Variants in SNX30 observed in about 807,000 individuals in gnomAD.
SNX30 encodes the protein sorting nexin family member 30.
In SNX30, 24 loss-of-function variants were observed where a neutral mutation model predicts 46.4. The observed-to-expected ratio is 0.52, with a 90% CI of 0.37 to 0.73. SNX30 has a LOEUF of 0.73. SNX30 is among the 30% of genes least tolerant of loss of function. SNX30 has a pLI of 0.00. For synonymous variants in SNX30, 189 were observed against 211.5 expected, an observed-to-expected ratio of 0.89 and a Z score of 0.92; for missense variants, 533 against 555.7, an observed-to-expected ratio of 0.96 and a Z score of 0.41.
intron 6 of SNX30, among the ~76,000 whole-genome samples, chr9:112,843,502 C>G (rs10981524): frequency 6.6e-6 from 1 of 151,688 alleles, no homozygotes; most frequent in Non-Finnish European, 1.5e-5. Context: ...GTGCAAAGTC[C>G]GAAAGCTGAA....
At chr9:112,768,956 A>G (rs1450421346) in intron 1 of SNX30, among the ~76,000 whole-genome samples, 1 of 152,034 alleles carries the variant, frequency 6.6e-6, no homozygotes, top group Non-Finnish European at 1.5e-5. Flanking sequence ...TGATAATTCT[A>G]ACGGGCAGCC....
intron 2 of SNX30, among the ~76,000 whole-genome samples, chr9:112,805,716 G>A (rs926821429): frequency 2.0e-5 from 3 of 152,092 alleles, no homozygotes; most frequent in Non-Finnish European, 2.9e-5. Context: ...TGATCCACCT[G>A]CCTCGGCCTC....
chr9:112,778,563 C>G (rs747064161), intron 1 of SNX30, among the ~76,000 whole-genome samples: 1 of 152,182 alleles, frequency 6.6e-6, no homozygotes, highest in Non-Finnish European at 1.5e-5. Flanking sequence ...TGAGCCACTG[C>G]GCCCGGCCCG....
chr9:112,753,228 G>A (rs1002021620), intron 1 of SNX30, among the ~76,000 whole-genome samples: 2 of 152,102 alleles, frequency 1.3e-5, no homozygotes, highest in Admixed American at 6.6e-5. Flanking sequence ...AGAAGTATGA[G>A]CATTTTACTA....
intron 1 of SNX30, among the ~76,000 whole-genome samples, chr9:112,765,585 A>G (rs1466326864): frequency 1.3e-5 from 2 of 152,180 alleles, no homozygotes; most frequent in Non-Finnish European, 2.9e-5. Flanking sequence ...CAGTTAATCT[A>G]GTGTCTGAAA....
chr9:112,821,228 T>C (rs1280454048), intron 3 of SNX30, among the ~76,000 whole-genome samples: 1 of 152,210 alleles, frequency 6.6e-6, no homozygotes, highest in Non-Finnish European at 1.5e-5. Context: ...GGATGTGCAG[T>C]GCTATCTCAT....
chr9:112,797,379 A>G (rs2153839), intron 1 of SNX30, among the ~76,000 whole-genome samples: 108,106 of 152,088 alleles, frequency 0.71, 38,732 homozygotes, highest in South Asian at 0.83. Flanking sequence ...AGAGAATTGT[A>G]TAATGAACCT....
At chr9:112,857,033 G>A (rs1841142213) in intron 7 of SNX30, among the ~76,000 whole-genome samples, 1 of 152,194 alleles carries the variant, frequency 6.6e-6, no homozygotes, top group Admixed American at 6.5e-5. Context: ...TCCAAAACTG[G>A]TGCCTTTCCC....
intron 4 of SNX30, among the ~76,000 whole-genome samples, chr9:112,832,430 A>AAGAGAGAGAG (rs144673731): frequency 1.8e-3 from 147 of 79,664 alleles, no homozygotes; most frequent in Non-Finnish European, 2.1e-3. Flanking sequence ...ATAAGTAGGA[A>AAGAGAGAGAG]AGAGAGAGAG....
intron 6 of SNX30, 96 bp downstream of exon 6, chr9:112,838,793 T>C: frequency 8.1e-7 from 1 of 1,232,892 alleles, no homozygotes; most frequent in South Asian, 1.4e-5. Flanking sequence ...GTGATATAAG[T>C]TTCCTTCTTC....
intron 1 of SNX30, among the ~76,000 whole-genome samples, chr9:112,769,655 A>T (rs1300495907): frequency 6.6e-6 from 1 of 151,942 alleles, no homozygotes; most frequent in African/African-American, 2.4e-5. Flanking sequence ...CCTAGCTCTA[A>T]ATGTTGGACT....
intron 6 of SNX30, among the ~76,000 whole-genome samples, chr9:112,848,415 A>C (rs775370231): frequency 1.3e-5 from 2 of 152,096 alleles, no homozygotes; most frequent in Non-Finnish European, 2.9e-5. Context: ...GTTTGTCTTG[A>C]TTCAGAACAC....
chr9:112,767,593 A>G (rs1839565616), intron 1 of SNX30, among the ~76,000 whole-genome samples: 1 of 149,794 alleles, frequency 6.7e-6, no homozygotes, highest in Non-Finnish European at 1.5e-5. Flanking sequence ...TTTTTATTTT[A>G]TTTTTTACTT....
At chr9:112,809,260 A>G (rs973283398) in intron 2 of SNX30, among the ~76,000 whole-genome samples, 1 of 151,974 alleles carries the variant, frequency 6.6e-6, no homozygotes, top group African/African-American at 2.4e-5. Context: ...TTGTATTTTT[A>G]GTAGAGATGG....
chr9:112,788,554 C>T (rs148420209), intron 1 of SNX30, among the ~76,000 whole-genome samples: 1 of 151,976 alleles, frequency 6.6e-6, no homozygotes, highest in East Asian at 1.9e-4. Context: ...TGTAGCACAG[C>T]CCTACCTGGG....
chr9:112,775,542 T>TTG (rs199600863), intron 1 of SNX30, among the ~76,000 whole-genome samples: 4,282 of 131,298 alleles, frequency 0.033, 129 homozygotes, highest in African/African-American at 0.072. Flanking sequence ...TATTTTAAAT[T>TTG]TGTGTGTGTG....
chr9:112,757,643 CCG>C (rs1839371683), intron 1 of SNX30, among the ~76,000 whole-genome samples: 1 of 152,198 alleles, frequency 6.6e-6, no homozygotes, highest in Admixed American at 6.5e-5. Context: ...TCCCTTTTCC[CCG>C]CGTATATCAT....
chr9:112,767,129 T>A (rs922133582), intron 1 of SNX30, among the ~76,000 whole-genome samples: 16 of 151,720 alleles, frequency 1.1e-4, no homozygotes, highest in Non-Finnish European at 8.8e-5. Flanking sequence ...ATTTTATTTT[T>A]TTTTTTTGAT....
intron 2 of SNX30, among the ~76,000 whole-genome samples, chr9:112,807,445 C>G (rs979594165): frequency 6.6e-6 from 1 of 152,050 alleles, no homozygotes; most frequent in Non-Finnish European, 1.5e-5. Flanking sequence ...TAGTCTTACC[C>G]CACTACACCA....
Sources: gnomAD v4.1 joint callset for allele counts (sites outside exome capture counted in the v4.1 genomes callset) on GRCh38, gnomAD v4.1.1 for gene constraint, MANE v1.5 for transcripts, NCBI Gene and HGNC (gene_info 2026-07-23, HGNC 2026-07-21) for gene names.